CDC5L: variants seen among roughly 807,000 people sequenced by gnomAD.
The protein encoded by CDC5L is cell division cycle 5-like protein.
CDC5L carries 18 observed loss-of-function variants against 104.1 expected under a neutral mutation model. The observed-to-expected ratio is 0.17, with a 90% CI of 0.12 to 0.26. The LOEUF is 0.26. CDC5L is among the 10% of genes least tolerant of loss of function. The pLI is 1.00. For missense variants in CDC5L, 673 were observed against 956.9 expected (o/e 0.70, Z 3.91); for synonymous variants, 331 against 322.7 (o/e 1.03, Z -0.28).
rs11571904 is a variant in CDC5L at position 44,389,456 on chromosome 6, G to A, written c.46-812G>A. Among the ~76,000 whole-genome samples the A allele has an allele frequency of 1.8e-3, 277 of 152,294 alleles. 5 individuals are homozygous for A. The East Asian group carries it at 0.041, about 22-fold the overall frequency. On this transcript the variant is annotated intron_variant, in intron 1 of 15. Coordinates refer to ENST00000371477, the MANE Select transcript of CDC5L (RefSeq NM_001253.4). ...AATCCAATGTGGGAAAAAAAGCCTA[G>A]AAGTAAAATCGCCTAAGTGCATGCA...
In CDC5L at chr6:44,450,017, C is replaced by T. The variant is rs1793588394; in HGVS notation, c.*3306C>T. On this transcript the variant is annotated 3_prime_UTR_variant, in exon 16 of 16. Coordinates refer to ENST00000371477, the MANE Select transcript of CDC5L (RefSeq NM_001253.4). ...TAGCTGGGACTACAGGCATGTGCCA[C>T]CGCACCTGGCTAATTTTTGTGTTTT... 1.4e-5 allele frequency: 2 copies of T among 143,406 alleles called. No homozygotes were observed. Among genetic ancestry groups the T allele is most frequent in the Admixed American group, 1.5e-4 (2 of 13,578 alleles). The allele number at this position is 143,406 out of a possible 1,614,324, so 8.9% of individuals were successfully genotyped here.
intron 5 of CDC5L, among the ~76,000 whole-genome samples, chr6:44,397,117 T>C (rs1790906042): frequency 6.6e-6 from 1 of 152,214 alleles, no homozygotes. Flanking sequence ...TCCCCTGAGG[T>C]TGGGGGTTGT....
In CDC5L at chr6:44,449,067, A is replaced by G. The variant is rs1303820870; in HGVS notation, c.*2356A>G. 6.6e-6 allele frequency: 1 copy of G among 152,234 alleles called. No individual in the cohort carries two copies. Among genetic ancestry groups the G allele is most frequent in the Non-Finnish European group, 1.5e-5 (1 of 68,032 alleles). 9.4% of individuals were successfully genotyped at this position (152,234 alleles called of 1,614,324 possible). A position where few individuals can be genotyped will look rare whatever the true frequency, so the allele number is the denominator to read the frequency against. ...TTTTAAAAGAAATTTTAAAGGATTT[A>G]TAGTTTATTTGCACTTTTTGTAGAC... On this transcript the variant is annotated 3_prime_UTR_variant, in exon 16 of 16. Transcript: ENST00000371477.
At chr6:44,429,988 T>G in intron 14 of CDC5L, 78 bp downstream of exon 14, 1 of 1,181,152 alleles carries the variant, frequency 8.5e-7, no homozygotes, top group East Asian at 2.6e-5. Context: ...CTGGAGACAA[T>G]GTCAGAAAAA....
rs1792243068 is a variant in CDC5L, at chr6:44,422,709, T to C, written c.1304T>C (p.Ile435Thr). The C allele has an allele frequency of 6.2e-7, 1 of 1,613,084 alleles. No individual in the cohort carries two copies. The highest frequency in any genetic ancestry group is 1.7e-5 in the Admixed American group (1 of 59,976). ...AGTGGAACAACTCCCAAACCAGTTA[T>C]TAACTCTACTCCGGGTAGAACTCCT... Reference protein sequence around the residue: ...PRSGTTPKPVINSTPGRTPLR... With the variant: ...PRSGTTPKPVTNSTPGRTPLR... The change falls in exon 10 of 16, where the codon ATT becomes ACT. Residue 435 changes from isoleucine (I) to threonine (T), a missense_variant. Coordinates refer to ENST00000371477, the MANE Select transcript of CDC5L (RefSeq NM_001253.4).
At position 44,445,395 on chromosome 6, in the gene CDC5L, C is replaced by A. The variant is rs185019342; in HGVS notation, c.2092-260C>A. ...TTAGTTTTTCCCATACTGTGACATT[C>A]AAGCCCTCTTTGAAGTTCAATCGTG... is the stretch of plus-strand genomic sequence containing the variant. On this transcript the variant is annotated intron_variant, in intron 14 of 15. Coordinates refer to ENST00000371477, the MANE Select transcript of CDC5L (RefSeq NM_001253.4). Among the ~76,000 whole-genome samples the A allele has an allele frequency of 8.7e-4, 133 of 152,302 alleles. 1 individual carries two copies. Among genetic ancestry groups the A allele is most frequent in the Middle Eastern group, 6.8e-3 (2 of 294 alleles).
intron 5 of CDC5L, among the ~76,000 whole-genome samples, chr6:44,401,686 G>A (rs1024718493): frequency 1.3e-5 from 2 of 150,526 alleles, no homozygotes; most frequent in East Asian, 1.9e-4. Flanking sequence ...TAAGTTTTAG[G>A]GTACATGTGC....
intron 5 of CDC5L, among the ~76,000 whole-genome samples, chr6:44,399,458 G>A: frequency 6.6e-6 from 1 of 151,814 alleles, no homozygotes; most frequent in East Asian, 1.9e-4. Flanking sequence ...TCTCCTTTTG[G>A]TACCCCTGTT....
rs1793517463 is a variant in CDC5L, at chr6:44,448,116, A to G, written c.*1405A>G. 1 of 149,160 alleles carries G rather than the reference A, an allele frequency of 6.7e-6. No individual in the cohort carries two copies. Among genetic ancestry groups the G allele is most frequent in the Non-Finnish European group, 1.5e-5 (1 of 67,852 alleles). The allele number at this position is 149,160 out of a possible 1,614,324, so 9.2% of individuals were successfully genotyped here. A position where few individuals can be genotyped will look rare whatever the true frequency, so the allele number is the denominator to read the frequency against. ...CTCTTAAAGAAGTAACATTTAAGATAACATGTGATTGACATTTTAGAATGG... is the reference window on the plus strand; with the variant it reads ...CTCTTAAAGAAGTAACATTTAAGATGACATGTGATTGACATTTTAGAATGG... On this transcript the variant is annotated 3_prime_UTR_variant, in exon 16 of 16. Transcript: ENST00000371477.
Position 44,396,449 on chromosome 6 carries a change from G to A in CDC5L, c.539+9G>A. On this transcript the variant is annotated intron_variant, in intron 5 of 15. Transcript: ENST00000371477. ...CAATTGGAAGAAGCAAGGTATGTGT[G>A]GATATAGGAATAAAAAGCAAAGTGT... The A allele has an allele frequency of 1.9e-6, 3 of 1,549,004 alleles. No individual in the cohort carries two copies. The highest frequency in any genetic ancestry group is 1.7e-4 in the Middle Eastern group (1 of 5,918).
chr6:44,413,346 A>G (rs1402097993), intron 8 of CDC5L, among the ~76,000 whole-genome samples: 1 of 152,206 alleles, frequency 6.6e-6, no homozygotes, highest in African/African-American at 2.4e-5. Context: ...GTCATTGCAT[A>G]ATATTCCATT....
chr6:44,410,937 T>C (rs1319129970), intron 8 of CDC5L, among the ~76,000 whole-genome samples: 1 of 152,052 alleles, frequency 6.6e-6, no homozygotes, highest in Admixed American at 6.5e-5. Context: ...CTCAATTTTA[T>C]CTTTATTCAG....
intron 8 of CDC5L, among the ~76,000 whole-genome samples, chr6:44,416,504 G>A (rs1168299093): frequency 6.6e-6 from 1 of 152,144 alleles, no homozygotes; most frequent in Non-Finnish European, 1.5e-5. Context: ...GACCAATGAT[G>A]GCCTTCAGAG....
intron 5 of CDC5L, among the ~76,000 whole-genome samples, chr6:44,402,753 C>T (rs1791189964): frequency 6.6e-6 from 1 of 152,130 alleles, no homozygotes; most frequent in African/African-American, 2.4e-5. Context: ...GCATACAGTT[C>T]TTATGTGTTG....
At position 44,434,018 on chromosome 6, in the gene CDC5L, A is replaced by G. The variant is rs145836036; in HGVS notation, c.2091+4108A>G. Among the ~76,000 whole-genome samples, 13 of 152,294 alleles carry G rather than the reference A, an allele frequency of 8.5e-5. No homozygotes were observed. The East Asian group carries it at 1.4e-3, about 16-fold the overall frequency. ...AGAGGTGGGGGAAGTGACTTGTGGTACAGGAGAGGAATTCACAGTACTTTG... is the reference window on the plus strand; with the variant it reads ...AGAGGTGGGGGAAGTGACTTGTGGTGCAGGAGAGGAATTCACAGTACTTTG... On this transcript the variant is annotated intron_variant, in intron 14 of 15. Transcript: ENST00000371477.
At chr6:44,446,224 T>C (rs184540538) in intron 15 of CDC5L, among the ~76,000 whole-genome samples, 85 of 152,358 alleles carry the variant, frequency 5.6e-4, no homozygotes, top group Non-Finnish European at 1.1e-3. Context: ...TTATACCTTA[T>C]GTTGCTGGGA....
At chr6:44,414,750 T>A (rs1791835107) in intron 8 of CDC5L, among the ~76,000 whole-genome samples, 1 of 152,206 alleles carries the variant, frequency 6.6e-6, no homozygotes, top group Non-Finnish European at 1.5e-5. Flanking sequence ...ACTTTCTTGA[T>A]GTTCTCATTT....
rs1792242602 is a variant in CDC5L, at chr6:44,422,703, C to A, written c.1298C>A (p.Pro433Gln). ...LTPRSGTTPKPVINSTPGRTP... is the reference protein window; with the variant it reads ...LTPRSGTTPKQVINSTPGRTP... ...CCCCGGAGTGGAACAACTCCCAAAC[C>A]AGTTATTAACTCTACTCCGGGTAGA... Residue 433 changes from proline (P) to glutamine (Q), a missense_variant, in exon 10 of 16, where the codon CCA becomes CAA. By Grantham distance (76) the Pro-to-Gln change is moderately conservative (BLOSUM62 -1). Transcript: ENST00000371477. 6.2e-7 allele frequency: 1 copy of A among 1,612,746 alleles called. No homozygotes were observed. The highest frequency in any genetic ancestry group is 8.5e-7 in the Non-Finnish European group (1 of 1,178,944).
chr6:44,398,102 G>A (rs950959620), intron 5 of CDC5L, among the ~76,000 whole-genome samples: 7 of 152,144 alleles, frequency 4.6e-5, no homozygotes, highest in Non-Finnish European at 1.0e-4. Flanking sequence ...GTTTTTTAAT[G>A]TCTGAGGATG....
Sources: gnomAD v4.1 joint callset for allele counts (sites outside exome capture counted in the v4.1 genomes callset) on GRCh38, gnomAD v4.1.1 for gene constraint, MANE v1.5 for transcripts, NCBI Gene and HGNC (gene_info 2026-07-23, HGNC 2026-07-21) for gene names.